The following TRIM71 variants were observed in gnomAD, a reference collection of about 807,000 sequenced individuals.
TRIM71 encodes the protein tripartite motif containing 71.
TRIM71 carries 9 observed loss-of-function variants against 61.2 expected under a neutral mutation model. The observed-to-expected ratio is 0.15, with a 90% CI of 0.09 to 0.26. The LOEUF is 0.26. Among genes scored for constraint, TRIM71 ranks in the 10% least tolerant of loss-of-function variants. TRIM71 has a pLI of 1.00. For missense variants in TRIM71, 998 were observed against 1,238.7 expected, an observed-to-expected ratio of 0.81 and a Z score of 2.92; for synonymous variants, 645 against 553.2, an observed-to-expected ratio of 1.17 and a Z score of -2.33.
Position 32,894,265 on chromosome 3 carries a change from T to A in TRIM71, c.*2454T>A, listed in dbSNP as rs1237527177. 1.3e-5 allele frequency: 2 copies of A among 152,204 alleles called. No homozygotes were observed. The highest frequency in any genetic ancestry group is 2.9e-5 in the Non-Finnish European group (2 of 68,040). 9.4% of individuals were successfully genotyped at this position (152,204 alleles called of 1,614,324 possible). A position where few individuals can be genotyped will look rare whatever the true frequency, so the allele number is the denominator to read the frequency against. Reference sequence around the variant, plus strand: ...GATCTTGATTAAAATCTTTTCATCATCATTTTCATTCTGCTCTTTTCTTTC... The same window carrying A: ...GATCTTGATTAAAATCTTTTCATCAACATTTTCATTCTGCTCTTTTCTTTC... On this transcript the variant is annotated 3_prime_UTR_variant, in exon 4 of 4. Transcript: ENST00000383763.
chr3:32,841,657 T>G (rs1696407507), intron 1 of TRIM71, among the ~76,000 whole-genome samples: 1 of 151,580 alleles, frequency 6.6e-6, no homozygotes, highest in South Asian at 2.1e-4. Context: ...GAGGCAGGGA[T>G]TGGTTAATAA....
intron 2 of TRIM71, among the ~76,000 whole-genome samples, chr3:32,883,558 GTTTTGGGATTTAAGA>G (rs1435668210): frequency 4.6e-5 from 7 of 152,196 alleles, no homozygotes; most frequent in Non-Finnish European, 5.9e-5. Flanking sequence ...GTGAACATCA[GTTTTGGGATTTAAGA>G]TTCAACTTAA....
At chr3:32,852,149 A>C (rs1391081947) in intron 1 of TRIM71, among the ~76,000 whole-genome samples, 2 of 152,184 alleles carry the variant, frequency 1.3e-5, no homozygotes, top group African/African-American at 4.8e-5. Flanking sequence ...AACTGGTCAC[A>C]GATTCCCTGG....
intron 2 of TRIM71, among the ~76,000 whole-genome samples, chr3:32,877,901 T>G (rs1032429151): frequency 6.6e-6 from 1 of 152,186 alleles, no homozygotes; most frequent in African/African-American, 2.4e-5. Flanking sequence ...CTATTAATGT[T>G]GATATTTTGA....
At chr3:32,842,821 T>G (rs1696423478) in intron 1 of TRIM71, among the ~76,000 whole-genome samples, 1 of 152,108 alleles carries the variant, frequency 6.6e-6, no homozygotes, top group African/African-American at 2.4e-5. Flanking sequence ...TGAAACCCCT[T>G]CTTGAGAGGT....
chr3:32,879,142 C>T (rs1163480458), intron 2 of TRIM71, among the ~76,000 whole-genome samples: 4 of 152,234 alleles, frequency 2.6e-5, no homozygotes, highest in Non-Finnish European at 5.9e-5. Flanking sequence ...GCTTCCTCAT[C>T]TCTCACCCTT....
intron 1 of TRIM71, among the ~76,000 whole-genome samples, chr3:32,868,397 T>C (rs1449354067): frequency 1.3e-5 from 2 of 152,212 alleles, no homozygotes; most frequent in African/African-American, 2.4e-5. Flanking sequence ...AGGGATTCTG[T>C]AAAGAACAAG....
At chr3:32,868,861 C>T (rs139884626) in intron 1 of TRIM71, among the ~76,000 whole-genome samples, 21 of 152,272 alleles carry the variant, frequency 1.4e-4, no homozygotes, top group South Asian at 4.1e-4. Context: ...GAGGACTATG[C>T]CTGAACTGGG....
In TRIM71 at chr3:32,854,420, GCT is replaced by G. The variant is rs1281772904; in HGVS notation, c.853-19395_853-19394del. Reference sequence around the variant, plus strand: ...TCTGGACATTGCTTAGGCTGTTCAGGCTCTGAGAGGTTGTGACCAGCTCATGG... The same window carrying G: ...TCTGGACATTGCTTAGGCTGTTCAGGCTGAGAGGTTGTGACCAGCTCATGG... On this transcript the variant is annotated intron_variant, in intron 1 of 3. Coordinates refer to ENST00000383763, the MANE Select transcript of TRIM71 (RefSeq NM_001039111.3). Among the ~76,000 whole-genome samples, 6 of 152,254 alleles carry G rather than the reference GCT, an allele frequency of 3.9e-5. No homozygotes were observed. The East Asian group carries it at 1.2e-3, about 29-fold the overall frequency.
At chr3:32,827,895 C>T (rs1377928925) in intron 1 of TRIM71, among the ~76,000 whole-genome samples, 2 of 152,122 alleles carry the variant, frequency 1.3e-5, no homozygotes, top group Non-Finnish European at 2.9e-5. Context: ...TAACCTTTTG[C>T]AGTTAAAATG....
chr3:32,846,667 G>GC (rs1208854919), intron 1 of TRIM71, among the ~76,000 whole-genome samples: 4 of 22,382 alleles, frequency 1.8e-4, no homozygotes, highest in Non-Finnish European at 3.3e-4. Flanking sequence ...CCTGTCCCCA[G>GC]CCCCCCGCTC....
chr3:32,872,614 C>T lies in TRIM71; in HGVS notation c.853-1204C>T, dbSNP rs548670499. Among the ~76,000 whole-genome samples, 10 of 152,292 alleles carry T rather than the reference C, an allele frequency of 6.6e-5. No individual in the cohort carries two copies. The East Asian group carries it at 9.6e-4, about 15-fold the overall frequency. ...AGCTTCTATTCAGTCTGCGCAGAAT[C>T]GCCTGGAATCTCACATCCTGGATCT... is the stretch of plus-strand genomic sequence containing the variant. On this transcript the variant is annotated intron_variant, in intron 1 of 3. Coordinates refer to ENST00000383763, the MANE Select transcript of TRIM71 (RefSeq NM_001039111.3).
intron 1 of TRIM71, among the ~76,000 whole-genome samples, chr3:32,862,755 A>T (rs1212046743): frequency 2.6e-5 from 4 of 152,228 alleles, no homozygotes; most frequent in African/African-American, 7.2e-5. Flanking sequence ...TGGAAGCTGC[A>T]TGGGCCACTC....
At chr3:32,831,912 C>G (rs987397183) in intron 1 of TRIM71, among the ~76,000 whole-genome samples, 2 of 152,102 alleles carry the variant, frequency 1.3e-5, no homozygotes, top group Non-Finnish European at 2.9e-5. Flanking sequence ...TTGGGCAGTT[C>G]CTCATTGCTG....
At chr3:32,823,775 C>G (rs965384050) in intron 1 of TRIM71, among the ~76,000 whole-genome samples, 2 of 149,026 alleles carry the variant, frequency 1.3e-5, no homozygotes, top group Non-Finnish European at 3.0e-5. Flanking sequence ...TAAAAAGATA[C>G]AGGGAAATCT....
chr3:32,819,851 A>T (rs1363850897), intron 1 of TRIM71, among the ~76,000 whole-genome samples: 1 of 152,244 alleles, frequency 6.6e-6, no homozygotes, highest in Non-Finnish European at 1.5e-5. Context: ...AGACCAAGGC[A>T]GCCGTACGCT....
rs943846641 is a variant in TRIM71 at position 32,893,609 on chromosome 3, G to C, written c.*1798G>C. The C allele has an allele frequency of 6.6e-6, 1 of 152,196 alleles. No individual in the cohort carries two copies. The highest frequency in any genetic ancestry group is 1.5e-5 in the Non-Finnish European group (1 of 68,032). 9.4% of individuals were successfully genotyped at this position (152,196 alleles called of 1,614,324 possible). The stretch of plus-strand genomic sequence containing the variant: ...TTTAAAGACTTATGGATCAACTTCT[G>C]TTCCTCTGTTTAAGAGAAATTTCTA... On this transcript the variant is annotated 3_prime_UTR_variant, in exon 4 of 4. Coordinates refer to ENST00000383763, the MANE Select transcript of TRIM71 (RefSeq NM_001039111.3).
intron 1 of TRIM71, among the ~76,000 whole-genome samples, chr3:32,868,894 A>G (rs1282833710): frequency 2.0e-5 from 3 of 152,036 alleles, no homozygotes; most frequent in Non-Finnish European, 4.4e-5. Context: ...TCCTATATTT[A>G]TCCAGGCCAT....
At position 32,878,791 on chromosome 3, in the gene TRIM71, A is replaced by G. The variant is rs1013321580; in HGVS notation, c.1020+4806A>G. Among the ~76,000 whole-genome samples, 3 of 152,322 alleles carry G rather than the reference A, an allele frequency of 2.0e-5. 1 individual carries two copies. In the East Asian group the frequency reaches 5.8e-4, roughly 29 times the overall value. On this transcript the variant is annotated intron_variant, in intron 2 of 3. Transcript: ENST00000383763. ...GGATGGACAATGACTGTTGGCTTCAACTTAGTCACCAGCTACATTAGTCCC... is the reference window on the plus strand; with the variant it reads ...GGATGGACAATGACTGTTGGCTTCAGCTTAGTCACCAGCTACATTAGTCCC...
Sources: gnomAD v4.1 joint callset for allele counts (sites outside exome capture counted in the v4.1 genomes callset) on GRCh38, gnomAD v4.1.1 for gene constraint, MANE v1.5 for transcripts, NCBI Gene and HGNC (gene_info 2026-07-23, HGNC 2026-07-21) for gene names.